Variants in GAPDHS observed in about 807,000 individuals in gnomAD.
The protein encoded by GAPDHS is glyceraldehyde-3-phosphate dehydrogenase, testis-specific.
A neutral mutation model predicts 48.7 loss-of-function variants in GAPDHS; 42 were observed. The ratio of observed to expected loss-of-function variants is 0.86; its 90% confidence interval spans 0.67 to 1.12. The LOEUF (loss-of-function observed/expected upper bound fraction) is 1.12, where lower values mean the gene tolerates loss of function less well. Ranked by LOEUF, GAPDHS falls within the 50% of genes most tolerant of loss-of-function variation. The pLI, the probability that GAPDHS is intolerant of heterozygous loss-of-function variation, is 0.00. For missense variants in GAPDHS, 512 were observed against 557.7 expected (o/e 0.92, Z 0.82); for synonymous variants, 166 against 219.1 (o/e 0.76, Z 2.14).
chr19:35,544,788 G>A, intron 9 of GAPDHS, 121 bp from the exon 10 acceptor site: 1 of 717,936 alleles, frequency 1.4e-6, no homozygotes, highest in Non-Finnish European at 2.6e-6. Flanking sequence ...GGACACAGTA[G>A]GGCTACATCA....
Position 35,534,039 on chromosome 19 carries a change from G to A in GAPDHS, c.67+445G>A, listed in dbSNP as rs115953720. Among the ~76,000 whole-genome samples, 1,456 of 152,340 alleles carry A rather than the reference G, an allele frequency of 9.6e-3. 23 individuals are homozygous for A. The highest frequency in any genetic ancestry group is 0.033 in the African/African-American group (1,355 of 41,574). ...GGACACTTGGAACCTTGCCGGGGAC[G>A]TGCTGACCACTTCGCAGGCGAGAGC... On this transcript the variant is annotated intron_variant, in intron 1 of 10. Transcript: ENST00000222286.
Position 35,543,921 on chromosome 19 carries a change from G to A in GAPDHS, c.1056+94G>A, listed in dbSNP as rs966290872. 2.8e-5 allele frequency: 40 copies of A among 1,443,274 alleles called. 1 individual carries two copies. In the South Asian group the frequency reaches 5.5e-4, roughly 20 times the overall value. The allele number at this position is 1,443,274 out of a possible 1,614,324, so 89.4% of individuals were successfully genotyped here. ...GAGCTGCTCTCAATGTGCCAAGTCAGAAACTGCAGGGCAGGAAGGGAGATC... is the reference window on the plus strand; with the variant it reads ...GAGCTGCTCTCAATGTGCCAAGTCAAAAACTGCAGGGCAGGAAGGGAGATC... On this transcript the variant is annotated intron_variant, in intron 9 of 10. Transcript: ENST00000222286.
At chr19:35,539,786 C>G (rs780270556) in intron 4 of GAPDHS, among the ~76,000 whole-genome samples, 1 of 152,140 alleles carries the variant, frequency 6.6e-6, no homozygotes, top group Non-Finnish European at 1.5e-5. Context: ...CTGCTTAACC[C>G]AAGTTTGAAA....
intron 4 of GAPDHS, among the ~76,000 whole-genome samples, chr19:35,539,454 GA>G (rs1368713610): frequency 6.6e-6 from 1 of 152,192 alleles, no homozygotes; most frequent in Non-Finnish European, 1.5e-5. Flanking sequence ...TTAGTTGGGG[GA>G]GTTTAGAATT....
intron 4 of GAPDHS, 22 bp downstream of exon 4, chr19:35,538,705 T>C (rs2071481935): frequency 7.3e-7 from 1 of 1,360,552 alleles, no homozygotes; most frequent in Non-Finnish European, 1.1e-6. Context: ...ATCTGTCTGA[T>C]GCACGGCTGT....
At chr19:35,535,337 C>T (rs1017570999) in intron 1 of GAPDHS, among the ~76,000 whole-genome samples, 3 of 152,170 alleles carry the variant, frequency 2.0e-5, no homozygotes, top group Non-Finnish European at 4.4e-5. Context: ...ATACACGGTA[C>T]TCTCTAAGCT....
At chr19:35,535,492 C>A (rs554709384) in intron 1 of GAPDHS, among the ~76,000 whole-genome samples, 1 of 151,934 alleles carries the variant, frequency 6.6e-6, no homozygotes, top group Admixed American at 6.6e-5. Context: ...TCAAGCGATT[C>A]TCCTGCTTCA....
chr19:35,542,617 G>C lies in GAPDHS; in HGVS notation c.659+9G>C. The C allele has an allele frequency of 6.5e-7, 1 of 1,547,756 alleles. No individual in the cohort carries two copies. The highest frequency in any genetic ancestry group is 8.9e-7 in the Non-Finnish European group (1 of 1,119,674). ...TCCATGAACATTGTGAGGTAATGTG[G>C]GCAGTGACATCCTGCAATGTGTGGA... On this transcript the variant is annotated intron_variant, in intron 6 of 10. Transcript: ENST00000222286.
chr19:35,545,200 G>C lies in GAPDHS; in HGVS notation c.*30G>C. The C allele has an allele frequency of 6.4e-7, 1 of 1,574,746 alleles. No homozygotes were observed. Among genetic ancestry groups the C allele is most frequent in the South Asian group, 1.1e-5 (1 of 90,216 alleles). On this transcript the variant is annotated 3_prime_UTR_variant, in exon 11 of 11. Coordinates refer to ENST00000222286, the MANE Select transcript of GAPDHS (RefSeq NM_014364.5). The stretch of plus-strand genomic sequence containing the variant: ...GGAAGGTCCTTTCTTTCCTTCCCAG[G>C]GGCCGGGGCCGGAACATGTGCCTCC...
chr19:35,537,323 G>A (rs932137324), intron 2 of GAPDHS, among the ~76,000 whole-genome samples: 4 of 152,186 alleles, frequency 2.6e-5, no homozygotes, highest in Non-Finnish European at 4.4e-5. Context: ...CCAGAGTGAT[G>A]AGACACAGCC....
intron 1 of GAPDHS, among the ~76,000 whole-genome samples, 175 bp downstream of exon 1, chr19:35,533,769 G>A (rs2071447257): frequency 6.6e-6 from 1 of 152,244 alleles, no homozygotes; most frequent in African/African-American, 2.4e-5. Context: ...GCAGAGTGGG[G>A]TTTACTGCCA....
rs1461856740 is a variant in GAPDHS at position 35,538,346 on chromosome 19, G to A, written c.285G>A (p.Met95Ile). The stretch of plus-strand genomic sequence containing the variant: ...GTCGCCTGGTCCTGCGCGCCTGCAT[G>A]GAGAAGGGTGTTAAGGTGGTGGCTG... ...RIGRLVLRAC[M>I]EKGVKVVAVN... The change falls in exon 3 of 11, where the codon ATG becomes ATA. Residue 95 changes from methionine to isoleucine, a missense_variant. Met to Ile is a conservative substitution (Grantham distance 10). Transcript: ENST00000222286. The A allele has an allele frequency of 3.1e-6, 5 of 1,613,868 alleles. No homozygotes were observed. In the South Asian group the frequency reaches 4.4e-5, roughly 14 times the overall value.
At position 35,543,682 on chromosome 19, in the gene GAPDHS, C is replaced by T. The variant is rs769742478; in HGVS notation, c.911C>T (p.Ala304Val). 9 of 1,613,688 alleles carry T rather than the reference C, an allele frequency of 5.6e-6. No individual in the cohort carries two copies. Among genetic ancestry groups the T allele is most frequent in the East Asian group, 2.2e-5 (1 of 44,904 alleles). The part of the protein sequence containing the change: ...PELKGKLTGM[A>V]FRVPTPDVSV... ...TTCTCCAGGAAGCTGACAGGGATGG[C>T]GTTCCGGGTACCAACCCCGGATGTG... Residue 304 changes from alanine (A) to valine (V), a missense_variant, in exon 9 of 11, where the codon GCG becomes GTG. Physicochemically the swap from Ala to Val is moderately conservative, Grantham distance 64 (BLOSUM62 0). Coordinates refer to ENST00000222286, the MANE Select transcript of GAPDHS (RefSeq NM_014364.5).
chr19:35,537,939 G>C (rs912085525), intron 2 of GAPDHS, among the ~76,000 whole-genome samples: 2 of 152,156 alleles, frequency 1.3e-5, no homozygotes, highest in Non-Finnish European at 2.9e-5. Context: ...AGCCAGGTGT[G>C]GTGGTACGCG....
intron 1 of GAPDHS, among the ~76,000 whole-genome samples, chr19:35,535,683 G>T (rs868048963): frequency 2.6e-5 from 4 of 151,622 alleles, no homozygotes; most frequent in African/African-American, 9.7e-5. Flanking sequence ...CACCGCTCCC[G>T]GCCTGGAGTG....
At position 35,538,736 on chromosome 19, in the gene GAPDHS, G is replaced by A. The variant is rs1021044393; in HGVS notation, c.449+53G>A. ...GCTGTGACATATTGAGGCAGGGCAT[G>A]TGGAGGTGGCTAAAATGGGATTCCA... On this transcript the variant is annotated intron_variant, in intron 4 of 10. Transcript: ENST00000222286. 5.9e-5 allele frequency: 69 copies of A among 1,170,942 alleles called. 1 individual carries two copies. In the South Asian group the frequency reaches 8.4e-4, roughly 14 times the overall value. 72.5% of individuals were successfully genotyped at this position (1,170,942 alleles called of 1,614,324 possible).
Position 35,536,806 on chromosome 19 carries a change from C to T in GAPDHS, c.68-7C>T, listed in dbSNP as rs1005033276. 29 of 1,597,460 alleles carry T rather than the reference C, an allele frequency of 1.8e-5. 1 individual carries two copies. In the Admixed American group the frequency reaches 2.9e-4, roughly 16 times the overall value. On this transcript the variant is annotated splice_region_variant and splice_polypyrimidine_tract_variant and intron_variant, in intron 1 of 10. Coordinates refer to ENST00000222286, the MANE Select transcript of GAPDHS (RefSeq NM_014364.5). ...ATGCAACCCATTCCCTCCCTTCCCC[C>T]GCATAGTGACCAGAGCACCGCCCCC...
In GAPDHS at chr19:35,543,652, G is replaced by C. The variant is rs1208105611; in HGVS notation, c.894-13G>C. 6.2e-7 allele frequency: 1 copy of C among 1,612,674 alleles called. No individual in the cohort carries two copies. The highest frequency in any genetic ancestry group is 1.1e-5 in the South Asian group (1 of 90,908). On this transcript the variant is annotated splice_polypyrimidine_tract_variant and intron_variant, in intron 8 of 10. Transcript: ENST00000222286. The stretch of plus-strand genomic sequence containing the variant: ...TAAGTTCTGACTCCTGTTCCTCATG[G>C]GGGATTCTCCAGGAAGCTGACAGGG...
chr19:35,543,860 G>C, intron 9 of GAPDHS, 33 bp downstream of exon 9: 1 of 1,557,508 alleles, frequency 6.4e-7, no homozygotes, highest in Non-Finnish European at 8.7e-7. Context: ...CCTGGGAGGA[G>C]CCCTCTGGGA....
Sources: allele counts gnomAD v4.1 joint callset (sites outside exome capture counted in the v4.1 genomes callset), GRCh38; gene constraint gnomAD v4.1.1; transcripts MANE v1.5; gene names NCBI Gene and HGNC (gene_info 2026-07-23, HGNC 2026-07-21).